LAMC3: variants seen among roughly 807,000 people sequenced by gnomAD.
LAMC3 encodes laminin subunit gamma 3.
A neutral mutation model predicts 173.8 loss-of-function variants in LAMC3; 128 were observed. The ratio of observed to expected loss-of-function variants is 0.74; its 90% CI spans 0.64 to 0.85. LAMC3 has a LOEUF of 0.85. LAMC3 is among the 40% of genes least tolerant of loss of function. The pLI, the probability that LAMC3 is intolerant of heterozygous loss-of-function variation, is 0.00. For synonymous variants in LAMC3, 897 were observed against 909.1 expected (o/e 0.99, Z 0.24); for missense variants, 2,022 against 2,156.0 (o/e 0.94, Z 1.23).
At chr9:131,025,546 G>T (rs1243018260) in intron 1 of LAMC3, among the ~76,000 whole-genome samples, 9 of 152,104 alleles carry the variant, frequency 5.9e-5, no homozygotes, top group Non-Finnish European at 1.2e-4. Context: ...AAGCAGAGGG[G>T]CTCAGGAGGG....
Position 131,036,349 on chromosome 9 carries a change from C to G in LAMC3, c.976+17C>G. ...AGTGTCTGCGTGAGTGTCTGAGTGT[C>G]ACAGGGCATCAGGGACCCGAGGCTG... On this transcript the variant is annotated intron_variant, in intron 4 of 27. Transcript: ENST00000361069. The G allele has an allele frequency of 6.2e-7, 1 of 1,612,546 alleles. No individual in the cohort carries two copies. The highest frequency in any genetic ancestry group is 8.5e-7 in the Non-Finnish European group (1 of 1,179,526).
intron 3 of LAMC3, among the ~76,000 whole-genome samples, chr9:131,034,065 C>G (rs1424486918): frequency 2.0e-5 from 3 of 152,174 alleles, no homozygotes; most frequent in Non-Finnish European, 4.4e-5. Flanking sequence ...TGCCTCCTGT[C>G]AGGGGGCTTC....
Position 131,049,081 on chromosome 9 carries a change from A to G in LAMC3, c.1581A>G (p.Pro527=). The change falls in exon 9 of 28, where the codon CCA becomes CCG. Residue 527 remains proline (P), a synonymous_variant. Coordinates refer to ENST00000361069, the MANE Select transcript of LAMC3 (RefSeq NM_006059.4). ...GGSEHPPQWS[P]NGVLLSPEDE... is the part of the protein sequence containing the mutation. ...CTGAGCACCCCCCACAATGGAGCCC[A>G]AATGGGGTCCTCCTGAGCCCAGAAG... 1 of 1,552,382 alleles carries G rather than the reference A, an allele frequency of 6.4e-7. No homozygotes were observed. The highest frequency in any genetic ancestry group is 2.4e-5 in the East Asian group (1 of 40,956).
chr9:131,021,315 G>A (rs1292799762), intron 1 of LAMC3: 2 of 152,044 alleles, frequency 1.3e-5, no homozygotes, highest in East Asian at 3.8e-4. Flanking sequence ...ATTGTTTTTA[G>A]TTTTTTCGGG....
chr9:131,074,205 C>T (rs1287442376), intron 20 of LAMC3, among the ~76,000 whole-genome samples: 2 of 151,382 alleles, frequency 1.3e-5, no homozygotes, highest in African/African-American at 2.4e-5. Flanking sequence ...GTCTCGGCCT[C>T]CCAAAGTGCT....
At position 131,049,121 on chromosome 9, in the gene LAMC3, A is replaced by ACAGCACCAGGTACCTC. The variant is rs1461282697; in HGVS notation, c.1630+3_1630+18dup. The ACAGCACCAGGTACCTC allele has an allele frequency of 1.9e-6, 3 of 1,547,732 alleles. No homozygotes were observed. The highest frequency in any genetic ancestry group is 2.6e-6 in the Non-Finnish European group (3 of 1,143,238). On this transcript the variant is annotated frameshift_variant, in exon 9 of 28. Coordinates refer to ENST00000361069, the MANE Select transcript of LAMC3 (RefSeq NM_006059.4). LOFTEE classifies it high-confidence loss of function. ...GAGCCCAGAAGACGAGGAGGAGCTC[A>ACAGCACCAGGTACCTC]CAGCACCAGGTACCTCCAGCACCAG...
At chr9:131,044,373 G>A (rs988941086) in intron 7 of LAMC3, among the ~76,000 whole-genome samples, 2 of 152,112 alleles carry the variant, frequency 1.3e-5, no homozygotes, top group Non-Finnish European at 2.9e-5. Context: ...AGCCGGGCAT[G>A]GTGGCGCACA....
chr9:131,050,951 T>G (rs1834272390), intron 9 of LAMC3, among the ~76,000 whole-genome samples: 1 of 152,070 alleles, frequency 6.6e-6, no homozygotes, highest in African/African-American at 2.4e-5. Context: ...GTGCTGGTGA[T>G]TGATTCTGGA....
At chr9:131,040,734 A>G (rs1834035186) in intron 6 of LAMC3, among the ~76,000 whole-genome samples, 1 of 151,374 alleles carries the variant, frequency 6.6e-6, no homozygotes, top group Non-Finnish European at 1.5e-5. Context: ...CCTCCTGCTC[A>G]TTCTTCAGGT....
In LAMC3 at chr9:131,091,965, AGGACTGAGTGTGCGTACCCAGTTCACCT is replaced by A; in HGVS notation, c.*183_*210del. On this transcript the variant is annotated 3_prime_UTR_variant, in exon 28 of 28. Transcript: ENST00000361069. Reference sequence around the variant, plus strand: ...TGTCTGTGGCTTCTTCCCTGCCAGCAGGACTGAGTGTGCGTACCCAGTTCACCTGGACATGAGTGCACACTCTCACCCC... The same window carrying A: ...TGTCTGTGGCTTCTTCCCTGCCAGCAGGACATGAGTGCACACTCTCACCCC... 2.7e-6 allele frequency: 2 copies of A among 754,266 alleles called. No individual in the cohort carries two copies. The highest frequency in any genetic ancestry group is 3.5e-5 in the South Asian group (2 of 57,014). The allele number at this position is 754,266 out of a possible 1,614,324, so 46.7% of individuals were successfully genotyped here.
At position 131,069,001 on chromosome 9, in the gene LAMC3, T is replaced by G. The variant is rs767066584; in HGVS notation, c.2841T>G (p.Cys947Trp). ...GCCCAGGTGTCACAGGCCAGGCCTG[T>G]GACAGGTGCCAGCTGGGTTTCTTCG... is the stretch of plus-strand genomic sequence containing the variant. ...TCRPGVTGQA[C>W]DRCQLGFFGF... The change falls in exon 16 of 28, where the codon TGT becomes TGG. Residue 947 changes from cysteine (C) to tryptophan (W), a missense_variant. By Grantham distance (215) the Cys-to-Trp change is radical. Transcript: ENST00000361069. 7 of 1,614,012 alleles carry G rather than the reference T, an allele frequency of 4.3e-6. No homozygotes were observed. The highest frequency in any genetic ancestry group is 1.3e-5 in the African/African-American group (1 of 75,034).
intron 21 of LAMC3, among the ~76,000 whole-genome samples, chr9:131,076,443 A>C (rs1236558439): frequency 1.3e-5 from 2 of 152,084 alleles, no homozygotes; most frequent in African/African-American, 4.8e-5. Flanking sequence ...GCCCCTTGAC[A>C]TTCCTAAACG....
chr9:131,077,923 G>A (rs1398657655), intron 22 of LAMC3, among the ~76,000 whole-genome samples: 1 of 152,084 alleles, frequency 6.6e-6, no homozygotes, highest in Admixed American at 6.6e-5. Context: ...TCATCAGATG[G>A]ACACGGGATG....
rs898458842 is a variant in LAMC3, at chr9:131,026,184, A to G, written c.374-101A>G. 5 of 1,565,342 alleles carry G rather than the reference A, an allele frequency of 3.2e-6. No individual in the cohort carries two copies. In the African/African-American group the frequency reaches 5.4e-5, roughly 17 times the overall value. On this transcript the variant is annotated intron_variant, in intron 1 of 27. Coordinates refer to ENST00000361069, the MANE Select transcript of LAMC3 (RefSeq NM_006059.4). This position sits in a 1 kb window ranked among gnomAD's most constrained non-coding sequence, Gnocchi z 4.8. Reference sequence around the variant, plus strand: ...AGCTCCAGACAGCTTCCAGCGATCCATCCACGCTAGTGCCTGCAATGCAGC... The same window carrying G: ...AGCTCCAGACAGCTTCCAGCGATCCGTCCACGCTAGTGCCTGCAATGCAGC...
chr9:131,039,725 A>G (rs1178296408), intron 6 of LAMC3, among the ~76,000 whole-genome samples: 2 of 151,672 alleles, frequency 1.3e-5, no homozygotes, highest in Non-Finnish European at 2.9e-5. Flanking sequence ...AGCTAATAGG[A>G]CATGGTGACC....
At chr9:131,017,596 G>A (rs1833547511) in intron 1 of LAMC3, among the ~76,000 whole-genome samples, 1 of 151,212 alleles carries the variant, frequency 6.6e-6, no homozygotes, top group South Asian at 2.1e-4. Flanking sequence ...CGTTGTGTTG[G>A]GCGCCTGTAA....
intron 13 of LAMC3, among the ~76,000 whole-genome samples, chr9:131,065,080 T>C (rs973694072): frequency 6.8e-6 from 1 of 146,588 alleles, no homozygotes; most frequent in African/African-American, 2.6e-5. Context: ...GAAAAAATCA[T>C]GTAAGCAAGG....
intron 2 of LAMC3, among the ~76,000 whole-genome samples, chr9:131,031,249 A>AGCT (rs1369020061): frequency 6.6e-6 from 1 of 152,240 alleles, no homozygotes; most frequent in Non-Finnish European, 1.5e-5. Flanking sequence ...ATTCAGCTGG[A>AGCT]GCTGCTGCTG....
Position 131,036,325 on chromosome 9 carries a change from G to A in LAMC3, c.969G>A (p.Glu323=), listed in dbSNP as rs1241269534. 3 of 1,612,644 alleles carry A rather than the reference G, an allele frequency of 1.9e-6. No individual in the cohort carries two copies. In the African/African-American group the frequency reaches 4.0e-5, roughly 22 times the overall value. Residue 323 remains glutamate (E), a synonymous_variant, in exon 4 of 28, where the codon GAG becomes GAA. Coordinates refer to ENST00000361069, the MANE Select transcript of LAMC3 (RefSeq NM_006059.4). The part of the protein sequence containing the change: ...WARGTAEAAH[E]CLPCNCSGRS... ...GGGGCACCGCCGAGGCTGCCCACGA[G>A]TGTCTGCGTGAGTGTCTGAGTGTCA...
Sources: allele counts gnomAD v4.1 joint callset (sites outside exome capture counted in the v4.1 genomes callset), GRCh38; gene constraint gnomAD v4.1.1; non-coding constraint Gnocchi (gnomAD v3.1); transcripts MANE v1.5; gene names NCBI Gene and HGNC (gene_info 2026-07-23, HGNC 2026-07-21).